Variants in FOCAD observed in about 807,000 individuals in gnomAD.
FOCAD encodes focadhesin.
Under a neutral mutation model 225.6 loss-of-function variants are expected in FOCAD, and 198 were observed. The ratio of observed to expected loss-of-function variants is 0.88; its 90% CI spans 0.78 to 0.99. FOCAD has a LOEUF of 0.99. Among genes scored for constraint, FOCAD ranks in the 50% least tolerant of loss-of-function variants. The pLI, the probability that FOCAD is intolerant of heterozygous loss-of-function variation, is 0.00. For synonymous variants in FOCAD, 897 were observed against 755.0 expected, an observed-to-expected ratio of 1.19 and a Z score of -3.08; for missense variants, 2,713 against 2,123.6, an observed-to-expected ratio of 1.28 and a Z score of -5.46.
In FOCAD at chr9:20,781,797, T is replaced by G; in HGVS notation, c.1065T>G (p.Ile355Met). 1 of 1,614,134 alleles carries G rather than the reference T, an allele frequency of 6.2e-7. No homozygotes were observed. Among genetic ancestry groups the G allele is most frequent in the South Asian group, 1.1e-5 (1 of 91,082 alleles). The change falls in exon 10 of 44, where the codon ATT becomes ATG. Residue 355 changes from isoleucine to methionine, a missense_variant. Coordinates refer to ENST00000338382, the MANE Select transcript of FOCAD (RefSeq NM_001375567.1). ...PKSSLLLVMP[I>M]LQILSSTALE... is the part of the protein sequence containing the mutation. ...CCTCTCTGCTGCTAGTGATGCCAAT[T>G]CTGCAGATACTATCTTCTACTGCCT...
intron 11 of FOCAD, among the ~76,000 whole-genome samples, chr9:20,810,266 A>T (rs1210404787): frequency 6.6e-6 from 1 of 152,106 alleles, no homozygotes; most frequent in Non-Finnish European, 1.5e-5. Context: ...CAAAATATTG[A>T]ATCTATCTAG....
At chr9:20,768,000 G>A (rs917129598) in intron 7 of FOCAD, among the ~76,000 whole-genome samples, 4 of 151,966 alleles carry the variant, frequency 2.6e-5, no homozygotes, top group Middle Eastern at 3.4e-3. Flanking sequence ...ATTGATTTTT[G>A]TATAAGGTGT....
intron 11 of FOCAD, among the ~76,000 whole-genome samples, chr9:20,797,150 G>C (rs190022622): frequency 6.6e-6 from 1 of 152,022 alleles, no homozygotes; most frequent in Non-Finnish European, 1.5e-5. Context: ...TATTTCTGAG[G>C]GCTCTGTTCT....
chr9:20,825,906 C>G (rs1824841140), intron 15 of FOCAD, among the ~76,000 whole-genome samples: 1 of 152,034 alleles, frequency 6.6e-6, no homozygotes, highest in South Asian at 2.1e-4. Context: ...GCTGAACAAA[C>G]AACAGAGAGG....
chr9:20,739,098 T>G (rs1383538499), intron 4 of FOCAD, among the ~76,000 whole-genome samples: 1 of 152,074 alleles, frequency 6.6e-6, no homozygotes, highest in Non-Finnish European at 1.5e-5. Flanking sequence ...TTGGAAAACC[T>G]TAAATGCCAT....
chr9:20,788,216 G>T (rs933903602), intron 10 of FOCAD, among the ~76,000 whole-genome samples: 5 of 152,168 alleles, frequency 3.3e-5, no homozygotes, highest in African/African-American at 1.2e-4. Context: ...TGGTCACAAA[G>T]GACCACATAT....
rs944151462 is a variant in FOCAD, at chr9:20,752,162, A to C, written c.393-5928A>C. 1.8e-4 allele frequency among the ~76,000 whole-genome samples: 27 copies of C among 151,274 alleles called. 1 individual carries two copies. Among genetic ancestry groups the C allele is most frequent in the Non-Finnish European group, 3.8e-4 (26 of 67,948 alleles). ...TGCTGTGCAGAAGCTCTTTAGTTTA[A>C]TTAGATCCCATTTGTCAATTTTGGC... On this transcript the variant is annotated intron_variant, in intron 5 of 43. Transcript: ENST00000338382.
chr9:20,768,811 G>A (rs1342015029), intron 7 of FOCAD, among the ~76,000 whole-genome samples: 1 of 151,704 alleles, frequency 6.6e-6, no homozygotes, highest in East Asian at 1.9e-4. Flanking sequence ...TTTTAATTGC[G>A]ACTCTTGTCA....
At chr9:20,819,735 C>G (rs1824113818) in intron 11 of FOCAD, 61 bp from the exon 12 acceptor site, 1 of 821,124 alleles carries the variant, frequency 1.2e-6, no homozygotes, top group Non-Finnish European at 1.8e-6. Context: ...GATAAATATT[C>G]CATTATATAT....
In FOCAD at chr9:20,907,134, T is replaced by TA; in HGVS notation, c.2626-15dup. 1 of 1,595,562 alleles carries TA rather than the reference T, an allele frequency of 6.3e-7. No homozygotes were observed. The highest frequency in any genetic ancestry group is 8.6e-7 in the Non-Finnish European group (1 of 1,163,858). On this transcript the variant is annotated splice_polypyrimidine_tract_variant and intron_variant, in intron 21 of 43. Transcript: ENST00000338382. ...TACTGTGTAGCCTAATATGTTGTGG[T>TA]ACATTTTTCCCATAGGTTCATATCC...
intron 1 of FOCAD, among the ~76,000 whole-genome samples, chr9:20,687,366 A>G (rs1457683619): frequency 3.3e-5 from 5 of 152,244 alleles, no homozygotes; most frequent in Non-Finnish European, 1.5e-5. Context: ...TTTGGCTGAT[A>G]CATATGTTGA....
At chr9:20,759,490 G>A (rs1024310565) in intron 6 of FOCAD, among the ~76,000 whole-genome samples, 1 of 152,184 alleles carries the variant, frequency 6.6e-6, no homozygotes, top group Non-Finnish European at 1.5e-5. Flanking sequence ...AAATGGTGCT[G>A]GGAAAACTGG....
intron 21 of FOCAD, among the ~76,000 whole-genome samples, chr9:20,898,906 A>G (rs377402861): frequency 2.6e-5 from 4 of 151,984 alleles, no homozygotes; most frequent in Middle Eastern, 3.4e-3. Context: ...TTAGGTCTCA[A>G]TCTCATAGTG....
intron 5 of FOCAD, among the ~76,000 whole-genome samples, chr9:20,753,987 A>T (rs1828810214): frequency 6.6e-6 from 1 of 152,142 alleles, no homozygotes; most frequent in African/African-American, 2.4e-5. Context: ...ATAATTAGAA[A>T]TTTGAGGCAT....
intron 4 of FOCAD, among the ~76,000 whole-genome samples, chr9:20,724,052 G>GCTCA (rs1443380104): frequency 2.6e-5 from 4 of 152,160 alleles, no homozygotes; most frequent in Non-Finnish European, 5.9e-5. Context: ...GAACTCACTT[G>GCTCA]TCACCAAGGG....
chr9:20,756,589 C>T, intron 5 of FOCAD, among the ~76,000 whole-genome samples: 1 of 152,148 alleles, frequency 6.6e-6, no homozygotes, highest in South Asian at 2.1e-4. Flanking sequence ...AAGGGCTCTA[C>T]AGCTAATCTA....
chr9:20,700,791 A>G (rs1823879015), intron 1 of FOCAD, among the ~76,000 whole-genome samples: 1 of 152,246 alleles, frequency 6.6e-6, no homozygotes, highest in Non-Finnish European at 1.5e-5. Flanking sequence ...AAACAGTGGA[A>G]TCCTGATTCT....
chr9:20,765,849 C>T (rs914854940), intron 7 of FOCAD, among the ~76,000 whole-genome samples: 3 of 152,158 alleles, frequency 2.0e-5, no homozygotes, highest in African/African-American at 7.2e-5. Context: ...CACCATGCTG[C>T]TTAGCTGATG....
chr9:20,917,920 G>T (rs1486908147), intron 24 of FOCAD, among the ~76,000 whole-genome samples: 3 of 152,200 alleles, frequency 2.0e-5, no homozygotes, highest in African/African-American at 7.2e-5. Flanking sequence ...TCTGGATAAA[G>T]AGAAATAGAA....
Sources: gnomAD v4.1 joint callset for allele counts (sites outside exome capture counted in the v4.1 genomes callset) on GRCh38, gnomAD v4.1.1 for gene constraint, MANE v1.5 for transcripts, NCBI Gene and HGNC (gene_info 2026-07-23, HGNC 2026-07-21) for gene names.